The following PARN variants were observed in gnomAD, a reference collection of about 807,000 sequenced individuals.
PARN encodes poly(A)-specific ribonuclease PARN.
In PARN, 71 loss-of-function variants were observed where a neutral mutation model predicts 102.8. The observed-to-expected ratio is 0.69, with a 90% CI of 0.57 to 0.84. PARN has a LOEUF of 0.84. Among genes scored for constraint, PARN ranks in the 40% least tolerant of loss-of-function variants. The pLI, the probability that PARN is intolerant of heterozygous loss-of-function variation, is 0.00. For synonymous variants in PARN, 261 were observed against 252.9 expected (o/e 1.03, Z -0.30); for missense variants, 782 against 760.9 (o/e 1.03, Z -0.33).
intron 22 of PARN, among the ~76,000 whole-genome samples, chr16:14,470,054 CTT>C (rs1030420563): frequency 4.6e-5 from 7 of 152,090 alleles, no homozygotes; most frequent in African/African-American, 1.4e-4. Context: ...GATAATGAGA[CTT>C]TTAATTATGG....
intron 21 of PARN, among the ~76,000 whole-genome samples, chr16:14,512,674 G>C (rs554786740): frequency 1.3e-5 from 2 of 152,216 alleles, no homozygotes; most frequent in East Asian, 1.9e-4. Context: ...CCTTTGATAA[G>C]AAATCAAGGG....
Position 14,541,587 on chromosome 16 carries a change from T to C in PARN, c.1480+10434A>G, listed in dbSNP as rs1034222317. Among the ~76,000 whole-genome samples, 3 of 151,976 alleles carry C rather than the reference T, an allele frequency of 2.0e-5. No homozygotes were observed. In the East Asian group the frequency reaches 5.8e-4, roughly 29 times the overall value. On this transcript the variant is annotated intron_variant, in intron 21 of 23. Coordinates refer to ENST00000437198, the MANE Select transcript of PARN (RefSeq NM_002582.4). The stretch of plus-strand genomic sequence containing the variant: ...GCCTCCTGGGTTCAAGTGATTCTCC[T>C]GCCTTAGCCACCTGAGTAGCTGGGA...
chr16:14,535,022 C>A (rs987249417), intron 21 of PARN, among the ~76,000 whole-genome samples: 1 of 152,084 alleles, frequency 6.6e-6, no homozygotes, highest in African/African-American at 2.4e-5. Context: ...TTAGTAGAGA[C>A]AGGGTTTCTC....
chr16:14,455,265 T>C (rs960065817), intron 22 of PARN, among the ~76,000 whole-genome samples: 3 of 152,246 alleles, frequency 2.0e-5, no homozygotes, highest in Non-Finnish European at 4.4e-5. Context: ...ATTTAGACTA[T>C]ATACGGCTTC....
intron 18 of PARN, among the ~76,000 whole-genome samples, chr16:14,577,438 ATCCTCCTGCC>A: frequency 6.6e-6 from 1 of 152,046 alleles, no homozygotes. Context: ...GACTCAAGTG[ATCCTCCTGCC>A]TCAGCCTCCC....
chr16:14,486,458 G>C (rs900551352), intron 21 of PARN, among the ~76,000 whole-genome samples: 18 of 152,232 alleles, frequency 1.2e-4, no homozygotes, highest in African/African-American at 4.3e-4. Context: ...CAAAGGTGAT[G>C]ACAGGGTCAC....
intron 21 of PARN, among the ~76,000 whole-genome samples, chr16:14,551,677 A>G (rs1967312234): frequency 6.6e-6 from 1 of 152,224 alleles, no homozygotes; most frequent in Non-Finnish European, 1.5e-5. Context: ...AAGTACAGAG[A>G]TGAACAGGTC....
chr16:14,559,857 CTG>C (rs1030954618), intron 18 of PARN, among the ~76,000 whole-genome samples: 1 of 152,154 alleles, frequency 6.6e-6, no homozygotes, highest in Non-Finnish European at 1.5e-5. Context: ...AAAACCAACT[CTG>C]TGTGACTTGG....
chr16:14,584,568 T>A (rs1302526040), intron 15 of PARN, 146 bp from the exon 16 acceptor site: 1 of 799,728 alleles, frequency 1.3e-6, no homozygotes, highest in Non-Finnish European at 2.0e-6. Flanking sequence ...TTCGTTTTTT[T>A]CAATGTGAAA....
At chr16:14,542,970 A>G (rs773558243) in intron 21 of PARN, among the ~76,000 whole-genome samples, 8 of 152,238 alleles carry the variant, frequency 5.3e-5, no homozygotes, top group African/African-American at 1.4e-4. Flanking sequence ...TATAGACTCA[A>G]TAAGTTCAGC....
intron 18 of PARN, among the ~76,000 whole-genome samples, chr16:14,568,145 T>C (rs1968542254): frequency 6.6e-6 from 1 of 151,910 alleles, no homozygotes; most frequent in African/African-American, 2.4e-5. Context: ...GGTCCAGAAG[T>C]TCAAGACCAG....
chr16:14,498,201 A>G (rs1415028751), intron 21 of PARN, among the ~76,000 whole-genome samples: 1 of 150,812 alleles, frequency 6.6e-6, no homozygotes, highest in Non-Finnish European at 1.5e-5. Context: ...ACCCCGGAGG[A>G]GAGGAGGGGA....
intron 22 of PARN, among the ~76,000 whole-genome samples, chr16:14,453,677 T>C (rs1426118088): frequency 2.6e-5 from 4 of 152,232 alleles, no homozygotes; most frequent in Admixed American, 6.5e-5. Flanking sequence ...GAAGTTCATG[T>C]GAATGAAATC....
intron 22 of PARN, among the ~76,000 whole-genome samples, chr16:14,451,867 TAC>T (rs1567287338): frequency 3.9e-3 from 93 of 23,754 alleles, no homozygotes; most frequent in Non-Finnish European, 4.8e-3. Flanking sequence ...AAAAAAAAAA[TAC>T]AAAAAAAAAA....
At chr16:14,547,039 G>A (rs1020655867) in intron 21 of PARN, among the ~76,000 whole-genome samples, 1 of 151,160 alleles carries the variant, frequency 6.6e-6, no homozygotes, top group Non-Finnish European at 1.5e-5. Context: ...GTTGCAGTGA[G>A]CCAAGATCGC....
chr16:14,488,362 GCATAAAAGAAAAGAT>G (rs1381822226), intron 21 of PARN, among the ~76,000 whole-genome samples: 1 of 152,116 alleles, frequency 6.6e-6, no homozygotes, highest in Non-Finnish European at 1.5e-5. Flanking sequence ...AAAAGGACAG[GCATAAAAGAAAAGAT>G]CAATAAGTTT....
chr16:14,582,459 G>T (rs891166075), intron 16 of PARN, among the ~76,000 whole-genome samples, 168 bp from the exon 17 acceptor site: 4 of 152,046 alleles, frequency 2.6e-5, no homozygotes, highest in African/African-American at 9.7e-5. Context: ...CAAGATAACA[G>T]AGTCACTGAA....
intron 21 of PARN, among the ~76,000 whole-genome samples, chr16:14,528,586 T>A (rs1455322532): frequency 1.3e-5 from 2 of 152,212 alleles, no homozygotes; most frequent in Admixed American, 1.3e-4. Flanking sequence ...GACTCTGTGA[T>A]ATTTTATTGT....
At chr16:14,626,152 G>A (rs2151821716) in intron 5 of PARN, among the ~76,000 whole-genome samples, 1 of 152,098 alleles carries the variant, frequency 6.6e-6, no homozygotes, top group African/African-American at 2.4e-5. Context: ...CTTGAGAAAA[G>A]GAAGTCAGCA....
Sources: allele counts gnomAD v4.1 joint callset (sites outside exome capture counted in the v4.1 genomes callset), GRCh38; gene constraint gnomAD v4.1.1; transcripts MANE v1.5; gene names NCBI Gene and HGNC (gene_info 2026-07-23, HGNC 2026-07-21).